UNG: variants seen among roughly 807,000 people sequenced by gnomAD.
The protein encoded by UNG is uracil DNA glycosylase.
UNG carries 34 observed loss-of-function variants against 36.5 expected under a neutral mutation model. The observed-to-expected ratio is 0.93, with a 90% CI of 0.71 to 1.24. UNG has a LOEUF of 1.24. Among genes scored for constraint, UNG ranks in the 50% most tolerant of loss-of-function variants. UNG has a pLI of 0.00. For synonymous variants in UNG, 172 were observed against 157.8 expected (o/e 1.09, Z -0.67); for missense variants, 391 against 397.6 (o/e 0.98, Z 0.14).
In UNG at chr12:109,110,186, G is replaced by A; in HGVS notation, c.*217G>A. ...GACCAAATGTCTTTCTCTGCAACAT[G>A]GCTTCGGCCTAAAATATGCAGAAGA... On this transcript the variant is annotated 3_prime_UTR_variant, in exon 7 of 7. Transcript: ENST00000242576. 1.6e-6 allele frequency: 1 copy of A among 608,014 alleles called. No individual in the cohort carries two copies. The highest frequency in any genetic ancestry group is 2.9e-6 in the Non-Finnish European group (1 of 348,314). The allele number at this position is 608,014 out of a possible 1,614,324, so 37.7% of individuals were successfully genotyped here.
chr12:109,098,063 G>T, intron 1 of UNG: 1 of 1,379,798 alleles, frequency 7.2e-7, no homozygotes, highest in Non-Finnish European at 9.4e-7. Context: ...GGCTCGGTGC[G>T]CTGTCCAATC....
intron 4 of UNG, among the ~76,000 whole-genome samples, chr12:109,102,402 C>T (rs1037626816): frequency 1.3e-5 from 2 of 151,556 alleles, no homozygotes; most frequent in Admixed American, 1.3e-4. Flanking sequence ...CGCTGGATCC[C>T]GGGAGGCGGA....
intron 6 of UNG, among the ~76,000 whole-genome samples, chr12:109,109,018 C>T (rs1466042706): frequency 6.6e-6 from 1 of 152,104 alleles, no homozygotes; most frequent in Admixed American, 6.5e-5. Context: ...TTGTTTTGCC[C>T]AGCTGTAGGC....
At chr12:109,100,490 C>G (rs764436993) in intron 3 of UNG, among the ~76,000 whole-genome samples, 8 of 152,120 alleles carry the variant, frequency 5.3e-5, no homozygotes, top group Non-Finnish European at 1.0e-4. Flanking sequence ...TAGAAAATCT[C>G]GTAAGCTTAA....
rs1489905066 is a variant in UNG, at chr12:109,097,831, G to A, written c.132+20G>A. 6.6e-7 allele frequency: 1 copy of A among 1,519,148 alleles called. No individual in the cohort carries two copies. The highest frequency in any genetic ancestry group is 1.4e-5 in the African/African-American group (1 of 72,130). 94.1% of individuals were successfully genotyped at this position (1,519,148 alleles called of 1,614,324 possible). A position where few individuals can be genotyped will look rare whatever the true frequency, so the allele number is the denominator to read the frequency against. On this transcript the variant is annotated intron_variant, in intron 1 of 6. Coordinates refer to ENST00000242576, the MANE Select transcript of UNG (RefSeq NM_080911.3). ...GCGGCGGTGAGGCGCGGCTTGGGCC[G>A]GGGCTAGGGGGTGAAGGGGGAGGAA...
chr12:109,108,766 G>T (rs2042237575), intron 6 of UNG, among the ~76,000 whole-genome samples: 1 of 152,212 alleles, frequency 6.6e-6, no homozygotes, highest in Non-Finnish European at 1.5e-5. Context: ...GTGTAGCTAG[G>T]ACTGCAGGTG....
chr12:109,107,829 A>AT (rs1422713742), intron 6 of UNG, among the ~76,000 whole-genome samples: 1 of 151,922 alleles, frequency 6.6e-6, no homozygotes, highest in Admixed American at 6.6e-5. Context: ...CCGGCCAACT[A>AT]TTCCATTTTT....
intron 6 of UNG, among the ~76,000 whole-genome samples, chr12:109,107,639 C>T (rs1025085244): frequency 6.6e-6 from 1 of 151,226 alleles, no homozygotes; most frequent in African/African-American, 2.4e-5. Context: ...GATTCTCCTG[C>T]CTCAGCCTCC....
In UNG at chr12:109,098,399, CT is replaced by C. The variant is rs765866952; in HGVS notation, c.133-32del. Reference sequence around the variant, plus strand: ...GACGCCTGGGAAGGGGCCGCTGCAGCTCTTGAGCCGCCTCTGCGGGGACCAC... The same window carrying C: ...GACGCCTGGGAAGGGGCCGCTGCAGCCTTGAGCCGCCTCTGCGGGGACCAC... On this transcript the variant is annotated intron_variant, in intron 1 of 6. Coordinates refer to ENST00000242576, the MANE Select transcript of UNG (RefSeq NM_080911.3). 1.5e-5 allele frequency: 24 copies of C among 1,602,566 alleles called. No homozygotes were observed. The South Asian group carries it at 2.4e-4, about 16-fold the overall frequency.
At chr12:109,108,320 T>C (rs528503349) in intron 6 of UNG, among the ~76,000 whole-genome samples, 1 of 152,196 alleles carries the variant, frequency 6.6e-6, no homozygotes, top group East Asian at 1.9e-4. Flanking sequence ...ACACGTTGTT[T>C]TTTTTTCTTT....
At chr12:109,109,281 C>G (rs3219268) in intron 6 of UNG, among the ~76,000 whole-genome samples, 1 of 152,026 alleles carries the variant, frequency 6.6e-6, no homozygotes, top group Non-Finnish European at 1.5e-5. Context: ...TTGAAAATTG[C>G]ATAGATAATT....
chr12:109,103,790 A>C (rs1276463828), intron 6 of UNG, among the ~76,000 whole-genome samples, 179 bp downstream of exon 6: 1 of 152,090 alleles, frequency 6.6e-6, no homozygotes, highest in Non-Finnish European at 1.5e-5. Context: ...AATTTGGACA[A>C]ATTATAGGGG....
In UNG at chr12:109,101,935, C is replaced by G; in HGVS notation, c.469C>G (p.His157Asp). 6.2e-7 allele frequency: 1 copy of G among 1,614,078 alleles called. No homozygotes were observed. Among genetic ancestry groups the G allele is most frequent in the African/African-American group, 1.3e-5 (1 of 75,048 alleles). Residue 157 changes from histidine to aspartate, a missense_variant, in exon 4 of 7, where the codon CAT becomes GAT. By Grantham distance (81) the His-to-Asp change is moderately conservative (BLOSUM62 -1). Transcript: ENST00000242576. ...TGTCATCCTGGGACAGGATCCATAT[C>G]ATGGACCTAATCAAGCTCACGGGCT... ...KVVILGQDPY[H>D]GPNQAHGLCF...
At chr12:109,106,980 G>A (rs1398181896) in intron 6 of UNG, among the ~76,000 whole-genome samples, 2 of 105,522 alleles carry the variant, frequency 1.9e-5, no homozygotes, top group Non-Finnish European at 4.0e-5. Flanking sequence ...ATACACAAAT[G>A]CCTACCATTG....
In UNG at chr12:109,110,440, T is replaced by C. The variant is rs1369039116; in HGVS notation, c.*471T>C. ...AGTCTCTGCCAGTTCCACTGCCCCC[T>C]TGATCTTTGAAGGAGTCCTCAGGCC... On this transcript the variant is annotated 3_prime_UTR_variant, in exon 7 of 7. Coordinates refer to ENST00000242576, the MANE Select transcript of UNG (RefSeq NM_080911.3). The C allele has an allele frequency of 1.5e-5, 3 of 201,786 alleles. No individual in the cohort carries two copies. The highest frequency in any genetic ancestry group is 2.3e-4 in the East Asian group (2 of 8,804). The allele number at this position is 201,786 out of a possible 1,614,324, so 12.5% of individuals were successfully genotyped here.
Position 109,102,853 on chromosome 12 carries a change from A to G in UNG, c.548A>G (p.Tyr183Cys), listed in dbSNP as rs745764048. 5.6e-6 allele frequency: 9 copies of G among 1,612,876 alleles called. No homozygotes were observed. The Admixed American group carries it at 1.2e-4, about 21-fold the overall frequency. Reference sequence around the variant, plus strand: ...CTTGCTTTCAGTTTGGAGAACATTTATAAAGAGTTGTCTACAGACATAGAG... The same window carrying G: ...CTTGCTTTCAGTTTGGAGAACATTTGTAAAGAGTTGTCTACAGACATAGAG... ...VPPPPSLENI[Y>C]KELSTDIEDF... The change falls in exon 5 of 7, where the codon TAT (tyrosine) becomes TGT (cysteine). Residue 183 changes from tyrosine to cysteine, a missense_variant. Tyr to Cys is a radical substitution (Grantham distance 194, BLOSUM62 -2). Transcript: ENST00000242576.
In UNG at chr12:109,110,884, A is replaced by T. The variant is rs996145737; in HGVS notation, c.*915A>T. 2.0e-5 allele frequency: 3 copies of T among 151,664 alleles called. No homozygotes were observed. The highest frequency in any genetic ancestry group is 7.3e-5 in the African/African-American group (3 of 41,212). The allele number at this position is 151,664 out of a possible 1,614,324, so 9.4% of individuals were successfully genotyped here. Reference sequence around the variant, plus strand: ...GTCCTTTTTTTAAGAGACGGTCTTTATTGGGTCTGCACCTCCATCCTTGAT... The same window carrying T: ...GTCCTTTTTTTAAGAGACGGTCTTTTTTGGGTCTGCACCTCCATCCTTGAT... On this transcript the variant is annotated 3_prime_UTR_variant, in exon 7 of 7. Transcript: ENST00000242576.
intron 6 of UNG, among the ~76,000 whole-genome samples, chr12:109,105,418 A>G (rs1337212257): frequency 6.6e-6 from 1 of 152,150 alleles, no homozygotes. Context: ...TCCGCAGTAT[A>G]TTGGTAATCT....
chr12:109,097,971 A>C (rs998348438), intron 1 of UNG, 160 bp downstream of exon 1: 3 of 1,240,872 alleles, frequency 2.4e-6, no homozygotes, highest in Non-Finnish European at 3.2e-6. Context: ...GCTGTCCCCC[A>C]TGGGCCGCCA....
Sources: gnomAD v4.1 joint callset for allele counts (sites outside exome capture counted in the v4.1 genomes callset) on GRCh38, gnomAD v4.1.1 for gene constraint, MANE v1.5 for transcripts, NCBI Gene and HGNC (gene_info 2026-07-23, HGNC 2026-07-21) for gene names.